DNAJC18: variants seen among roughly 807,000 people sequenced by gnomAD.
The protein encoded by DNAJC18 is dnaJ homolog subfamily C member 18.
Under a neutral mutation model 48.6 loss-of-function variants are expected in DNAJC18, and 40 were observed. The ratio of observed to expected loss-of-function variants is 0.82; its 90% CI spans 0.64 to 1.07. DNAJC18 has a LOEUF of 1.07. DNAJC18 is among the 50% of genes least tolerant of loss of function. The pLI, the probability that DNAJC18 is intolerant of heterozygous loss-of-function variation, is 0.00. For synonymous variants in DNAJC18, 135 were observed against 152.2 expected (o/e 0.89, Z 0.83); for missense variants, 340 against 427.7 (o/e 0.79, Z 1.81).
At chr5:139,424,809 G>C (rs923043588) in intron 5 of DNAJC18, among the ~76,000 whole-genome samples, 196 bp downstream of exon 5, 8 of 149,568 alleles carry the variant, frequency 5.3e-5, no homozygotes, top group Non-Finnish European at 1.2e-4. Context: ...CCCAAGAATG[G>C]GCAGAGGGAG....
intron 7 of DNAJC18, among the ~76,000 whole-genome samples, chr5:139,416,820 G>T (rs1197670571): frequency 6.6e-6 from 1 of 152,208 alleles, no homozygotes; most frequent in Non-Finnish European, 1.5e-5. Context: ...CTGGCATCAG[G>T]CTTACTATCT....
rs76826797 is a variant in DNAJC18 at position 139,419,402 on chromosome 5, G to A, written c.952+651C>T. 2.2e-3 allele frequency among the ~76,000 whole-genome samples: 337 copies of A among 152,368 alleles called. 12 individuals are homozygous for A. The East Asian group carries it at 0.06, about 27-fold the overall frequency. ...GAGAGGGAAATAGGGGGGAAGGCCT[G>A]CCACACCCAAAGGGGCAGACCCAAG... is the stretch of plus-strand genomic sequence containing the variant. On this transcript the variant is annotated intron_variant, in intron 7 of 7. Transcript: ENST00000302060.
chr5:139,437,996 C>T (rs768019539), intron 1 of DNAJC18, among the ~76,000 whole-genome samples: 1 of 152,208 alleles, frequency 6.6e-6, no homozygotes, highest in African/African-American at 2.4e-5. Context: ...CGGCTTTGAG[C>T]TCAATACAAA....
In DNAJC18 at chr5:139,410,955, G is replaced by A. The variant is rs1758985210; in HGVS notation, c.*3193C>T. 1 of 152,014 alleles carries A rather than the reference G, an allele frequency of 6.6e-6. No homozygotes were observed. The highest frequency in any genetic ancestry group is 1.5e-5 in the Non-Finnish European group (1 of 68,040). The allele number at this position is 152,014 out of a possible 1,614,324, so 9.4% of individuals were successfully genotyped here. On this transcript the variant is annotated 3_prime_UTR_variant, in exon 8 of 8. Transcript: ENST00000302060. Reference sequence around the variant, plus strand: ...GCCTAATTTTTGTATTTTTAGTACAGACAGGGTTTCACCATGTTGGCCAGG... The same window carrying A: ...GCCTAATTTTTGTATTTTTAGTACAAACAGGGTTTCACCATGTTGGCCAGG...
intron 2 of DNAJC18, among the ~76,000 whole-genome samples, chr5:139,435,705 G>GTTTTTTGTTTTT: frequency 2.4e-5 from 1 of 41,194 alleles, no homozygotes; most frequent in East Asian, 1.3e-3. Flanking sequence ...TTCATTGGAA[G>GTTTTTTGTTTTT]TTTTTTTTTT....
At chr5:139,429,569 AT>A (rs1036496418) in intron 2 of DNAJC18, among the ~76,000 whole-genome samples, 33 of 151,814 alleles carry the variant, frequency 2.2e-4, no homozygotes, top group Non-Finnish European at 4.0e-4. Context: ...AGTCCTCTCC[AT>A]TTTTTTTCTT....
Position 139,413,463 on chromosome 5 carries a change from C to G in DNAJC18, c.*685G>C, listed in dbSNP as rs1759025775. ...AGATGAGGCTCGGTCTTGCATTATACCTTCGCCCTGGCCCCCGCCTCCAGA... is the reference window on the plus strand; with the variant it reads ...AGATGAGGCTCGGTCTTGCATTATAGCTTCGCCCTGGCCCCCGCCTCCAGA... On this transcript the variant is annotated 3_prime_UTR_variant, in exon 8 of 8. Coordinates refer to ENST00000302060, the MANE Select transcript of DNAJC18 (RefSeq NM_152686.4). 6.6e-6 allele frequency: 1 copy of G among 152,276 alleles called. No homozygotes were observed. Among genetic ancestry groups the G allele is most frequent in the African/African-American group, 2.4e-5 (1 of 41,414 alleles). The allele number at this position is 152,276 out of a possible 1,614,324, so 9.4% of individuals were successfully genotyped here. A position where few individuals can be genotyped will look rare whatever the true frequency, so the allele number is the denominator to read the frequency against.
intron 1 of DNAJC18, among the ~76,000 whole-genome samples, chr5:139,438,646 G>C (rs1750727683): frequency 6.6e-6 from 1 of 152,142 alleles, no homozygotes; most frequent in African/African-American, 2.4e-5. Flanking sequence ...TCCACCCACT[G>C]CTCCTGGACA....
chr5:139,425,352 T>TG (rs1759219875), intron 4 of DNAJC18, among the ~76,000 whole-genome samples: 1 of 152,092 alleles, frequency 6.6e-6, no homozygotes, highest in African/African-American at 2.4e-5. Context: ...TTAGTAGAGA[T>TG]GGGGTTTCAC....
chr5:139,422,592 A>G lies in DNAJC18; in HGVS notation c.779+116T>C. 3.7e-6 allele frequency: 3 copies of G among 812,340 alleles called. No individual in the cohort carries two copies. The South Asian group carries it at 4.7e-5, about 13-fold the overall frequency. 50.3% of individuals were successfully genotyped at this position (812,340 alleles called of 1,614,324 possible). A position where few individuals can be genotyped will look rare whatever the true frequency, so the allele number is the denominator to read the frequency against. On this transcript the variant is annotated intron_variant, in intron 6 of 7. Coordinates refer to ENST00000302060, the MANE Select transcript of DNAJC18 (RefSeq NM_152686.4). ...TACCCAGCTGTTCCTTTAAACATCA[A>G]ATCGGTGTTTTCTACAGCAAAAGGT...
At position 139,411,903 on chromosome 5, in the gene DNAJC18, G is replaced by C. The variant is rs1306673640; in HGVS notation, c.*2245C>G. 1 of 152,084 alleles carries C rather than the reference G, an allele frequency of 6.6e-6. No individual in the cohort carries two copies. The highest frequency in any genetic ancestry group is 1.5e-5 in the Non-Finnish European group (1 of 68,022). The allele number at this position is 152,084 out of a possible 1,614,324, so 9.4% of individuals were successfully genotyped here. On this transcript the variant is annotated 3_prime_UTR_variant, in exon 8 of 8. Coordinates refer to ENST00000302060, the MANE Select transcript of DNAJC18 (RefSeq NM_152686.4). ...AGTGGTTGGGGATGGGGAGAGGAGA[G>C]CTTTGATTTTTTTGTGTGTAGAAGA...
At chr5:139,428,428 G>A in intron 3 of DNAJC18, 110 bp downstream of exon 3, 1 of 1,416,500 alleles carries the variant, frequency 7.1e-7, no homozygotes, top group Non-Finnish European at 9.5e-7. Context: ...TGTGGCAGGG[G>A]GAAAAAACCC....
At chr5:139,418,172 T>G (rs1467138133) in intron 7 of DNAJC18, among the ~76,000 whole-genome samples, 1 of 152,198 alleles carries the variant, frequency 6.6e-6, no homozygotes, top group Non-Finnish European at 1.5e-5. Flanking sequence ...GATCCATGTA[T>G]ATACTGCCTT....
intron 7 of DNAJC18, 145 bp downstream of exon 7, chr5:139,419,908 G>T: frequency 1.3e-6 from 1 of 775,178 alleles, no homozygotes; most frequent in Non-Finnish European, 1.9e-6. Flanking sequence ...CTTTTTTATA[G>T]TATCCTGAAT....
intron 2 of DNAJC18, among the ~76,000 whole-genome samples, chr5:139,436,690 T>C (rs530851589): frequency 6.6e-6 from 1 of 151,882 alleles, no homozygotes; most frequent in Admixed American, 6.6e-5. Flanking sequence ...ATATATATTT[T>C]TTGGAAGAGA....
At position 139,439,474 on chromosome 5, in the gene DNAJC18, G is replaced by A; in HGVS notation, c.-29C>T. 1 of 1,613,818 alleles carries A rather than the reference G, an allele frequency of 6.2e-7. No individual in the cohort carries two copies. Among genetic ancestry groups the A allele is most frequent in the Non-Finnish European group, 8.5e-7 (1 of 1,179,984 alleles). ...GGTTCCCAATCAGCAGGTCCGCCGA[G>A]CCTCCCCCGTGCCCGAGGCTGAAAG... On this transcript the variant is annotated 5_prime_UTR_variant, in exon 1 of 8. Transcript: ENST00000302060. This position sits in a 1 kb window ranked among gnomAD's most constrained non-coding sequence, Gnocchi z 4.1.
intron 7 of DNAJC18, among the ~76,000 whole-genome samples, chr5:139,414,505 A>G (rs1759042879): frequency 6.6e-6 from 1 of 152,260 alleles, no homozygotes; most frequent in Non-Finnish European, 1.5e-5. Context: ...CTCTTATAAA[A>G]GCACTGGACT....
At chr5:139,415,491 A>T (rs1305385800) in intron 7 of DNAJC18, among the ~76,000 whole-genome samples, 1 of 152,252 alleles carries the variant, frequency 6.6e-6, no homozygotes, top group Non-Finnish European at 1.5e-5. Flanking sequence ...CCTGGGCTCT[A>T]GCCCAGCAGT....
In DNAJC18 at chr5:139,412,882, A is replaced by G; in HGVS notation, c.*1266T>C. On this transcript the variant is annotated 3_prime_UTR_variant, in exon 8 of 8. Coordinates refer to ENST00000302060, the MANE Select transcript of DNAJC18 (RefSeq NM_152686.4). ...ATGAGGGGTCATGGGGTTGGGGAGG[A>G]CGGAGGCATCCTCGGGAAAGGTTCT... 2.5e-6 allele frequency: 1 copy of G among 398,614 alleles called. No individual in the cohort carries two copies. Among genetic ancestry groups the G allele is most frequent in the Non-Finnish European group, 4.4e-6 (1 of 226,098 alleles). 24.7% of individuals were successfully genotyped at this position (398,614 alleles called of 1,614,324 possible).
Sources: gnomAD v4.1 joint callset for allele counts (sites outside exome capture counted in the v4.1 genomes callset) on GRCh38, gnomAD v4.1.1 for gene constraint, Gnocchi (gnomAD v3.1) non-coding constraint, MANE v1.5 for transcripts, NCBI Gene and HGNC (gene_info 2026-07-23, HGNC 2026-07-21) for gene names.